DTWD2: variants seen among roughly 807,000 people sequenced by gnomAD.
DTWD2 encodes tRNA-uridine aminocarboxypropyltransferase 2.
In DTWD2, 39 loss-of-function variants were observed where a neutral mutation model predicts 31.8. The observed-to-expected ratio is 1.22, with a 90% CI of 0.95 to 1.60. The LOEUF (loss-of-function observed/expected upper bound fraction) is 1.60. Ranked by LOEUF, DTWD2 falls within the 40% of genes most tolerant of loss-of-function variation. The pLI is 0.00. For missense variants in DTWD2, 515 were observed against 381.5 expected, an observed-to-expected ratio of 1.35 and a Z score of -2.92; for synonymous variants, 180 against 142.8, an observed-to-expected ratio of 1.26 and a Z score of -1.86.
chr5:118,951,545 A>G (rs1275053307), intron 1 of DTWD2, among the ~76,000 whole-genome samples: 1 of 152,248 alleles, frequency 6.6e-6, no homozygotes, highest in African/African-American at 2.4e-5. Context: ...GGAGAAATCA[A>G]AAGTGACATT....
At chr5:118,937,655 T>C (rs890115191) in intron 3 of DTWD2, among the ~76,000 whole-genome samples, 5 of 152,148 alleles carry the variant, frequency 3.3e-5, no homozygotes, top group East Asian at 1.9e-4. Flanking sequence ...CCCCTTCACA[T>C]TGTTCTCTTT....
At chr5:118,899,938 A>G (rs764340734) in intron 4 of DTWD2, among the ~76,000 whole-genome samples, 1 of 151,484 alleles carries the variant, frequency 6.6e-6, no homozygotes, top group African/African-American at 2.4e-5. Flanking sequence ...AGTAGCTGGC[A>G]TTACAGGCGC....
intron 3 of DTWD2, among the ~76,000 whole-genome samples, chr5:118,932,219 T>C (rs1243611395): frequency 1.3e-5 from 2 of 151,610 alleles, no homozygotes; most frequent in South Asian, 2.1e-4. Flanking sequence ...GGGCCATGCA[T>C]TGTGGCTCAT....
intron 5 of DTWD2, among the ~76,000 whole-genome samples, chr5:118,847,510 T>G (rs1751885911): frequency 6.6e-6 from 1 of 152,148 alleles, no homozygotes; most frequent in South Asian, 2.1e-4. Flanking sequence ...TGAAACATTA[T>G]TCTTTGCTGA....
intron 5 of DTWD2, among the ~76,000 whole-genome samples, chr5:118,846,404 T>C (rs948313298): frequency 2.6e-5 from 4 of 152,144 alleles, no homozygotes; most frequent in Non-Finnish European, 5.9e-5. Flanking sequence ...CCAATTCCAG[T>C]TGTGGGAATA....
intron 4 of DTWD2, among the ~76,000 whole-genome samples, chr5:118,897,659 A>T (rs1401209725): frequency 2.0e-5 from 3 of 152,190 alleles, no homozygotes; most frequent in Admixed American, 2.0e-4. Context: ...ATAGCCACAC[A>T]TCAGTGTTAA....
Position 118,963,162 on chromosome 5 carries a change from C to T in DTWD2, c.219-18513G>A, listed in dbSNP as rs115972551. ...AGATACCGTAAGAAATACGAAGAGG[C>T]TGACCCACAGGAAGCTAACAATATA... On this transcript the variant is annotated intron_variant, in intron 1 of 5. Transcript: ENST00000510708. Among the ~76,000 whole-genome samples the T allele has an allele frequency of 5.1e-3, 782 of 152,292 alleles. 10 individuals are homozygous for T. Among genetic ancestry groups the T allele is most frequent in the African/African-American group, 0.018 (742 of 41,554 alleles).
intron 4 of DTWD2, among the ~76,000 whole-genome samples, chr5:118,874,296 T>C (rs1339008363): frequency 6.6e-6 from 1 of 152,240 alleles, no homozygotes; most frequent in Non-Finnish European, 1.5e-5. Flanking sequence ...AGCCAGAGTA[T>C]GTTCTTTCCT....
intron 1 of DTWD2, among the ~76,000 whole-genome samples, chr5:118,956,880 A>G (rs1754599641): frequency 6.6e-6 from 1 of 151,120 alleles, no homozygotes; most frequent in South Asian, 2.1e-4. Flanking sequence ...AAAAATGGCA[A>G]CAATTTTCCA....
At chr5:118,866,382 T>C (rs572823705) in intron 4 of DTWD2, among the ~76,000 whole-genome samples, 2 of 152,200 alleles carry the variant, frequency 1.3e-5, no homozygotes, top group Admixed American at 6.5e-5. Flanking sequence ...ACACATACTA[T>C]TTCCCACAAG....
At chr5:118,845,608 T>C (rs1751834668) in intron 5 of DTWD2, among the ~76,000 whole-genome samples, 1 of 152,176 alleles carries the variant, frequency 6.6e-6, no homozygotes, top group African/African-American at 2.4e-5. Flanking sequence ...ATATCCTTTT[T>C]CTACTCCTGG....
chr5:118,947,672 T>C (rs888560826), intron 1 of DTWD2, among the ~76,000 whole-genome samples: 1 of 152,170 alleles, frequency 6.6e-6, no homozygotes, highest in African/African-American at 2.4e-5. Flanking sequence ...GAATGCATGT[T>C]CTCACTTTGG....
intron 1 of DTWD2, among the ~76,000 whole-genome samples, chr5:118,980,914 C>T (rs926282003): frequency 1.3e-4 from 20 of 152,180 alleles, no homozygotes. Context: ...TTCATTGCAT[C>T]ATTATTGACA....
At chr5:118,925,875 C>T (rs765208914) in intron 4 of DTWD2, among the ~76,000 whole-genome samples, 2 of 151,564 alleles carry the variant, frequency 1.3e-5, no homozygotes, top group Admixed American at 6.6e-5. Context: ...GTAGATCTAC[C>T]GTTCAGTCAA....
At chr5:118,900,833 G>C (rs1192089657) in intron 4 of DTWD2, among the ~76,000 whole-genome samples, 2 of 151,856 alleles carry the variant, frequency 1.3e-5, no homozygotes, top group Non-Finnish European at 2.9e-5. Flanking sequence ...GCTGAGGCAG[G>C]AGAATGGGGT....
chr5:118,867,227 T>C (rs1437841385), intron 4 of DTWD2, among the ~76,000 whole-genome samples: 6 of 152,102 alleles, frequency 3.9e-5, no homozygotes, highest in Non-Finnish European at 8.8e-5. Context: ...GCAGAATATA[T>C]AATATCTTAG....
intron 4 of DTWD2, among the ~76,000 whole-genome samples, chr5:118,917,358 C>T (rs116083812): frequency 0.018 from 2,755 of 152,008 alleles, 78 homozygotes; most frequent in African/African-American, 0.063. Context: ...TGGAAAGAAA[C>T]AATAGGGAAG....
At chr5:118,848,945 C>T (rs142205878) in intron 4 of DTWD2, among the ~76,000 whole-genome samples, 3,563 of 152,228 alleles carry the variant, frequency 0.023, 60 homozygotes, top group Non-Finnish European at 0.026. Flanking sequence ...CTAGGCAATA[C>T]CATCCAGGAC....
intron 3 of DTWD2, among the ~76,000 whole-genome samples, chr5:118,933,116 G>C (rs575761083): frequency 1.3e-5 from 2 of 152,008 alleles, no homozygotes; most frequent in Non-Finnish European, 2.9e-5. Context: ...CTCACACAAG[G>C]AGAAATACGA....
Sources: allele counts gnomAD v4.1 joint callset (sites outside exome capture counted in the v4.1 genomes callset), GRCh38; gene constraint gnomAD v4.1.1; transcripts MANE v1.5; gene names NCBI Gene and HGNC (gene_info 2026-07-23, HGNC 2026-07-21).